Variants in ANK3 observed in about 807,000 individuals in gnomAD.
ANK3 encodes ankyrin 3.
Under a neutral mutation model 370.9 loss-of-function variants are expected in ANK3, and 57 were observed. That is an observed-to-expected ratio of 0.15 (90% CI 0.12 to 0.19). The LOEUF is 0.19. Ranked by LOEUF, ANK3 falls within the 10% of genes least tolerant of loss-of-function variation. The pLI, the probability that ANK3 is intolerant of heterozygous loss-of-function variation, is 1.00. For missense variants in ANK3, 4,439 were observed against 5,302.1 expected (o/e 0.84, Z 5.06); for synonymous variants, 1,929 against 1,946.3 (o/e 0.99, Z 0.23).
intron 2 of ANK3, among the ~76,000 whole-genome samples, chr10:60,464,693 C>G (rs1460084358): frequency 6.6e-6 from 1 of 152,124 alleles, no homozygotes; most frequent in East Asian, 1.9e-4. Flanking sequence ...TTGGTAACCC[C>G]CAATATACTG....
At chr10:60,395,275 T>C (rs1567003504) in intron 2 of ANK3, among the ~76,000 whole-genome samples, 1 of 152,240 alleles carries the variant, frequency 6.6e-6, no homozygotes, top group Non-Finnish European at 1.5e-5. Flanking sequence ...TGATTTTATA[T>C]ATTGATTCAT....
rs1349671568 is a variant in ANK3, at chr10:60,069,950, C to T, written c.10931G>A (p.Gly3644Glu). Residue 3644 changes from glycine (G) to glutamate (E), a missense_variant, in exon 37 of 44, where the codon GGG becomes GAG. By Grantham distance (98) the Gly-to-Glu change is moderately conservative. Coordinates refer to ENST00000280772, the MANE Select transcript of ANK3 (RefSeq NM_020987.5). ...ACTTTTATCCCCTTCCCCCTGGTCC[C>T]CTGACTTCCCTTCAGAAGTATGCTC... ...IGEHTSEGKS[G>E]DQGEGDKSMV... is the part of the protein sequence containing the mutation. 4 of 1,614,118 alleles carry T rather than the reference C, an allele frequency of 2.5e-6. No homozygotes were observed. The highest frequency in any genetic ancestry group is 3.4e-6 in the Non-Finnish European group (4 of 1,180,012).
chr10:60,428,398 C>T (rs1386886028), intron 2 of ANK3, among the ~76,000 whole-genome samples: 1 of 152,140 alleles, frequency 6.6e-6, no homozygotes, highest in Non-Finnish European at 1.5e-5. Flanking sequence ...GCTTTAGTGG[C>T]TTAGCCCAAG....
chr10:60,688,683 A>T (rs1045923990), intron 1 of ANK3, among the ~76,000 whole-genome samples: 23 of 152,268 alleles, frequency 1.5e-4, no homozygotes, highest in Non-Finnish European at 2.5e-4. Context: ...GTGCGGTGGC[A>T]CATGCCTGTA....
chr10:60,668,678 G>T (rs546121007), intron 1 of ANK3, among the ~76,000 whole-genome samples: 1 of 152,204 alleles, frequency 6.6e-6, no homozygotes, highest in South Asian at 2.1e-4. Context: ...CCTCCAGAAA[G>T]CTTTGTCCAA....
chr10:60,396,189 G>C (rs1318264790), intron 2 of ANK3, among the ~76,000 whole-genome samples: 1 of 152,152 alleles, frequency 6.6e-6, no homozygotes, highest in Non-Finnish European at 1.5e-5. Flanking sequence ...ATTTTAGATA[G>C]TAACAAGTGC....
At chr10:60,689,490 G>T (rs569835268) in intron 1 of ANK3, among the ~76,000 whole-genome samples, 2 of 152,244 alleles carry the variant, frequency 1.3e-5, no homozygotes, top group African/African-American at 4.8e-5. Context: ...GGTGGCTCAG[G>T]TCTGTAATAT....
At chr10:60,121,031 C>T (rs150341638) in intron 25 of ANK3, among the ~76,000 whole-genome samples, 518 of 152,194 alleles carry the variant, frequency 3.4e-3, no homozygotes, top group Non-Finnish European at 5.9e-3. Context: ...GCACTATTCA[C>T]AATAGCCAAG....
At chr10:60,367,516 G>A (rs1202946060) in intron 1 of ANK3, among the ~76,000 whole-genome samples, 3 of 152,182 alleles carry the variant, frequency 2.0e-5, no homozygotes, top group Admixed American at 6.5e-5. Context: ...TGCCTTGGTT[G>A]GCAATTTCCC....
intron 7 of ANK3, among the ~76,000 whole-genome samples, chr10:60,245,043 C>T (rs1479204347): frequency 6.6e-6 from 1 of 152,170 alleles, no homozygotes; most frequent in East Asian, 1.9e-4. Flanking sequence ...GTAGCGGGCA[C>T]CTGTAGTCCC....
chr10:60,598,569 T>A (rs1185918971), intron 2 of ANK3, among the ~76,000 whole-genome samples: 1 of 152,218 alleles, frequency 6.6e-6, no homozygotes, highest in Admixed American at 6.5e-5. Flanking sequence ...TTGCTGTATT[T>A]GATATAAGTC....
At chr10:60,644,650 C>A (rs934886484) in intron 1 of ANK3, among the ~76,000 whole-genome samples, 31 of 151,990 alleles carry the variant, frequency 2.0e-4, no homozygotes, top group African/African-American at 6.8e-4. Context: ...GCAAATAATT[C>A]TCCTCCAGCC....
At chr10:60,068,071 CT>C in intron 37 of ANK3, 62 bp from the exon 38 acceptor site, 1 of 1,487,624 alleles carries the variant, frequency 6.7e-7, no homozygotes, top group East Asian at 2.3e-5. Context: ...TGGAAAATTG[CT>C]TTTAGCAGTA....
chr10:60,218,227 CT>C (rs2096978631), intron 8 of ANK3, among the ~76,000 whole-genome samples: 1 of 150,780 alleles, frequency 6.6e-6, no homozygotes, highest in South Asian at 2.1e-4. Context: ...GGTCTTGACT[CT>C]TTACCCAATT....
intron 2 of ANK3, among the ~76,000 whole-genome samples, chr10:60,487,957 G>A (rs1353637463): frequency 3.3e-5 from 5 of 152,044 alleles, no homozygotes; most frequent in African/African-American, 1.2e-4. Flanking sequence ...CAGGTGATCT[G>A]CCTGCCTTGG....
Position 60,139,032 on chromosome 10 carries a change from C to T in ANK3, c.2670G>A (p.Lys890=). The change falls in exon 24 of 44, where the codon AAG becomes AAA. Residue 890 remains lysine, a synonymous_variant. Transcript: ENST00000280772. ...TDKYLGPQDL[K]ELGDDSLPAE... ...CAGGCAGGGAATCATCACCCAATTC[C>T]TTAAGGTCCTGTGGCCCAAGATATT... 1 of 1,613,822 alleles carries T rather than the reference C, an allele frequency of 6.2e-7. No homozygotes were observed. The highest frequency in any genetic ancestry group is 1.7e-5 in the Admixed American group (1 of 59,982).
At chr10:60,460,466 G>A (rs1195934673) in intron 2 of ANK3, among the ~76,000 whole-genome samples, 2 of 152,124 alleles carry the variant, frequency 1.3e-5, no homozygotes, top group African/African-American at 2.4e-5. Flanking sequence ...ATTTCTTGGA[G>A]AACTAACAAG....
intron 1 of ANK3, among the ~76,000 whole-genome samples, chr10:60,346,685 C>T (rs969854398): frequency 1.3e-5 from 2 of 152,042 alleles, no homozygotes; most frequent in Admixed American, 1.3e-4. Context: ...AACCAACTCT[C>T]ATACTTTGGA....
At chr10:60,672,761 G>A (rs950478780) in intron 1 of ANK3, among the ~76,000 whole-genome samples, 1 of 152,196 alleles carries the variant, frequency 6.6e-6, no homozygotes, top group Non-Finnish European at 1.5e-5. Context: ...AAGCATAGGT[G>A]ACAATCTACT....
Sources: gnomAD v4.1 joint callset for allele counts (sites outside exome capture counted in the v4.1 genomes callset) on GRCh38, gnomAD v4.1.1 for gene constraint, MANE v1.5 for transcripts, NCBI Gene and HGNC (gene_info 2026-07-23, HGNC 2026-07-21) for gene names.